Variants in DOCK3 observed in about 807,000 individuals in gnomAD.
The protein encoded by DOCK3 is dedicator of cytokinesis 3.
In DOCK3, 60 loss-of-function variants were observed where a neutral mutation model predicts 265.6. The ratio of observed to expected loss-of-function variants is 0.23; its 90% CI spans 0.18 to 0.28. DOCK3 has a LOEUF of 0.28. Ranked by LOEUF, DOCK3 falls within the 10% of genes least tolerant of loss-of-function variation. DOCK3 has a pLI of 1.00. For missense variants in DOCK3, 1,981 were observed against 2,594.3 expected, an observed-to-expected ratio of 0.76 and a Z score of 5.14; for synonymous variants, 881 against 938.0, an observed-to-expected ratio of 0.94 and a Z score of 1.11.
intron 9 of DOCK3, among the ~76,000 whole-genome samples, chr3:51,127,922 C>T (rs1378875027): frequency 6.6e-6 from 1 of 152,188 alleles, no homozygotes; most frequent in Non-Finnish European, 1.5e-5. Flanking sequence ...AATGGGTCTC[C>T]TGTATTCCAT....
intron 4 of DOCK3, among the ~76,000 whole-genome samples, chr3:50,917,523 A>T (rs1028290113): frequency 2.0e-5 from 3 of 151,936 alleles, no homozygotes; most frequent in Non-Finnish European, 2.9e-5. Context: ...GGATATTTTA[A>T]ATTTTCAGCT....
chr3:51,178,195 A>G (rs2087075334), intron 12 of DOCK3, among the ~76,000 whole-genome samples: 1 of 152,222 alleles, frequency 6.6e-6, no homozygotes, highest in African/African-American at 2.4e-5. Context: ...GGTGAAAGAT[A>G]TGAAATGGGT....
chr3:50,859,706 G>T (rs1458263060), intron 3 of DOCK3, among the ~76,000 whole-genome samples: 2 of 152,102 alleles, frequency 1.3e-5, no homozygotes, highest in African/African-American at 4.8e-5. Context: ...CTTGTCTCTA[G>T]TTTCAGAGGG....
In DOCK3 at chr3:51,306,023, C is replaced by CT. The variant is rs573396023; in HGVS notation, c.2923-4198dup. On this transcript the variant is annotated intron_variant, in intron 27 of 52. Transcript: ENST00000266037. ...CCAGCTAGTTTTTCTTTTTTTTTTT[C>CT]TTTTTTTTTTTAAATTTATTGTTGT... Among the ~76,000 whole-genome samples the CT allele has an allele frequency of 7.3e-4, 102 of 139,276 alleles. 1 individual carries two copies. The highest frequency in any genetic ancestry group is 1.1e-3 in the Non-Finnish European group (72 of 63,778). The allele number at this position is 139,276 out of a possible 152,430, so 91.4% of individuals were successfully genotyped here.
intron 27 of DOCK3, among the ~76,000 whole-genome samples, chr3:51,305,253 T>G (rs1158126252): frequency 6.6e-6 from 1 of 152,234 alleles, no homozygotes; most frequent in African/African-American, 2.4e-5. Flanking sequence ...AGGTTGCATA[T>G]ATGTTTATAA....
intron 2 of DOCK3, among the ~76,000 whole-genome samples, chr3:50,835,603 G>A (rs1443538820): frequency 1.3e-5 from 2 of 152,118 alleles, no homozygotes; most frequent in Non-Finnish European, 2.9e-5. Flanking sequence ...GACAGAAGAA[G>A]AACCAGTACT....
chr3:51,271,738 C>T (rs1429940458), intron 24 of DOCK3, among the ~76,000 whole-genome samples: 2 of 151,976 alleles, frequency 1.3e-5, no homozygotes, highest in Non-Finnish European at 2.9e-5. Flanking sequence ...GTAATCCCAG[C>T]TACTCAGGAG....
intron 4 of DOCK3, among the ~76,000 whole-genome samples, chr3:50,904,506 A>T (rs978552266): frequency 6.6e-6 from 1 of 152,198 alleles, no homozygotes; most frequent in East Asian, 1.9e-4. Context: ...CATTTCTCTG[A>T]TGACCAGTGA....
At chr3:50,692,064 G>A (rs898735264) in intron 1 of DOCK3, among the ~76,000 whole-genome samples, 2 of 152,024 alleles carry the variant, frequency 1.3e-5, no homozygotes, top group South Asian at 2.1e-4. Context: ...ACAGCTGTGT[G>A]CCACTGTGCC....
chr3:51,260,046 C>A, intron 22 of DOCK3, 110 bp from the exon 23 acceptor site: 2 of 1,120,880 alleles, frequency 1.8e-6, no homozygotes, highest in Non-Finnish European at 2.5e-6. Flanking sequence ...AATTGCCCAA[C>A]ACCTGATTTT....
chr3:50,710,520 C>T (rs758407409), intron 1 of DOCK3, among the ~76,000 whole-genome samples: 8 of 152,114 alleles, frequency 5.3e-5, no homozygotes, highest in Non-Finnish European at 1.0e-4. Flanking sequence ...AAGATGTTGA[C>T]GTGGATGTAG....
intron 4 of DOCK3, among the ~76,000 whole-genome samples, chr3:50,914,050 C>CTTATTTTATTTTATTTTCTT (rs2049995609): frequency 6.6e-6 from 1 of 150,570 alleles, no homozygotes; most frequent in African/African-American, 2.4e-5. Flanking sequence ...TATTGTCTCT[C>CTTATTTTATTTTATTTTCTT]TTATTTTATT....
At chr3:51,010,930 G>T (rs190213594) in intron 5 of DOCK3, among the ~76,000 whole-genome samples, 33 of 152,272 alleles carry the variant, frequency 2.2e-4, no homozygotes, top group African/African-American at 7.5e-4. Flanking sequence ...TTTCCTTTAA[G>T]AATGTTGAAT....
chr3:51,056,837 G>A (rs375894549), intron 5 of DOCK3, among the ~76,000 whole-genome samples: 1 of 152,224 alleles, frequency 6.6e-6, no homozygotes, highest in African/African-American at 2.4e-5. Flanking sequence ...TAAAATAGGG[G>A]AGATCTGGTA....
At chr3:50,701,790 C>T (rs1483679880) in intron 1 of DOCK3, among the ~76,000 whole-genome samples, 1 of 152,114 alleles carries the variant, frequency 6.6e-6, no homozygotes, top group Non-Finnish European at 1.5e-5. Flanking sequence ...TATTGATACC[C>T]AGTTTTCTCA....
chr3:50,954,303 A>T (rs1197280340), intron 5 of DOCK3, among the ~76,000 whole-genome samples: 3 of 152,152 alleles, frequency 2.0e-5, no homozygotes, highest in Admixed American at 1.3e-4. Flanking sequence ...TTTAAGGCTG[A>T]ATAATACTCT....
intron 5 of DOCK3, among the ~76,000 whole-genome samples, chr3:51,064,043 T>A (rs1230078509): frequency 6.6e-6 from 1 of 152,224 alleles, no homozygotes; most frequent in Admixed American, 6.5e-5. Context: ...AACTTGGATA[T>A]CTCTCCTGGA....
At chr3:50,926,719 G>A (rs887301099) in intron 4 of DOCK3, among the ~76,000 whole-genome samples, 1 of 152,164 alleles carries the variant, frequency 6.6e-6, no homozygotes, top group African/African-American at 2.4e-5. Context: ...TGGACTGTTG[G>A]GTGGAGTTGG....
chr3:51,261,579 G>T (rs1210908606), intron 23 of DOCK3, among the ~76,000 whole-genome samples: 1 of 152,188 alleles, frequency 6.6e-6, no homozygotes, highest in East Asian at 1.9e-4. Flanking sequence ...CACTCCCCTG[G>T]AAAGGGGGCT....
Sources: allele counts gnomAD v4.1 joint callset (sites outside exome capture counted in the v4.1 genomes callset), GRCh38; gene constraint gnomAD v4.1.1; transcripts MANE v1.5; gene names NCBI Gene and HGNC (gene_info 2026-07-23, HGNC 2026-07-21).